COL27A1: variants seen among roughly 807,000 people sequenced by gnomAD.
The protein encoded by COL27A1 is collagen alpha-1(XXVII) chain.
In COL27A1, 106 loss-of-function variants were observed where a neutral mutation model predicts 251.3. The observed-to-expected ratio is 0.42, with a 90% CI of 0.36 to 0.50. The LOEUF (loss-of-function observed/expected upper bound fraction) is 0.50, where lower values mean the gene tolerates loss of function less well. Ranked by LOEUF, COL27A1 falls within the 20% of genes least tolerant of loss-of-function variation. The probability of loss-of-function intolerance (pLI) is 0.00; values close to 1 mark genes in which losing one functional copy is unlikely to be tolerated. For synonymous variants in COL27A1, 1,000 were observed against 986.3 expected (o/e 1.01, Z -0.26); for missense variants, 2,325 against 2,522.8 (o/e 0.92, Z 1.68).
At position 114,264,221 on chromosome 9, in the gene COL27A1, G is replaced by A. The variant is rs1004322480; in HGVS notation, c.3196-134G>A. 37 of 615,770 alleles carry A rather than the reference G, an allele frequency of 6.0e-5. No individual in the cohort carries two copies. In the African/African-American group the frequency reaches 6.8e-4, roughly 11 times the overall value. The allele number at this position is 615,770 out of a possible 1,614,324, so 38.1% of individuals were successfully genotyped here. ...GTGACCACCTCAGTGGGGAGTGTGT[G>A]GGAAGTGGGAGGAGGAGGGGGCCGG... On this transcript the variant is annotated intron_variant, in intron 28 of 60. Coordinates refer to ENST00000356083, the MANE Select transcript of COL27A1 (RefSeq NM_032888.4).
In COL27A1 at chr9:114,283,704, T is replaced by C. The variant is rs770688614; in HGVS notation, c.3880-5T>C. On this transcript the variant is annotated splice_polypyrimidine_tract_variant and splice_region_variant and intron_variant, in intron 39 of 60. Transcript: ENST00000356083. ...CATACCAACGAGGGTCTCCTCCTCTTGTAGGGTGCTCCGGGACGCATGGGG... is the reference window on the plus strand; with the variant it reads ...CATACCAACGAGGGTCTCCTCCTCTCGTAGGGTGCTCCGGGACGCATGGGG... 6.2e-7 allele frequency: 1 copy of C among 1,613,974 alleles called. No homozygotes were observed. Among genetic ancestry groups the C allele is most frequent in the Non-Finnish European group, 8.5e-7 (1 of 1,179,916 alleles).
chr9:114,279,462 A>T lies in COL27A1; in HGVS notation c.3718-2815A>T, dbSNP rs573031237. Among the ~76,000 whole-genome samples, 24 of 152,324 alleles carry T rather than the reference A, an allele frequency of 1.6e-4. 1 individual carries two copies. In the South Asian group the frequency reaches 4.8e-3, roughly 30 times the overall value. On this transcript the variant is annotated intron_variant, in intron 37 of 60. Transcript: ENST00000356083. ...GAGATTGCCTAGTGCAGTCCGATAG[A>T]AATGAAATACAAGCCATATACAAGC... is the stretch of plus-strand genomic sequence containing the variant.
At chr9:114,198,730 C>G (rs569277538) in intron 7 of COL27A1, among the ~76,000 whole-genome samples, 1 of 152,140 alleles carries the variant, frequency 6.6e-6, no homozygotes, top group Admixed American at 6.5e-5. Flanking sequence ...TCTCTGCCAC[C>G]GCCTGAGATA....
intron 56 of COL27A1, among the ~76,000 whole-genome samples, chr9:114,304,043 A>G (rs554374113): frequency 6.6e-6 from 1 of 152,348 alleles, no homozygotes; most frequent in Admixed American, 6.5e-5. Flanking sequence ...GTTTAGCAGA[A>G]TTCCTGGCCT....
chr9:114,211,134 C>A, intron 12 of COL27A1, 108 bp downstream of exon 12: 1 of 1,173,568 alleles, frequency 8.5e-7, no homozygotes, highest in Non-Finnish European at 1.3e-6. Flanking sequence ...TCTCCCCCTG[C>A]TTTGAGTGTG....
chr9:114,166,584 C>G (rs1236999468), intron 2 of COL27A1, among the ~76,000 whole-genome samples: 1 of 152,232 alleles, frequency 6.6e-6, no homozygotes. Flanking sequence ...TACTCAGGGC[C>G]TATCTTGCTG....
chr9:114,256,677 CCTT>C, intron 27 of COL27A1, among the ~76,000 whole-genome samples: 1 of 152,226 alleles, frequency 6.6e-6, no homozygotes, highest in Middle Eastern at 3.4e-3. Flanking sequence ...TGTCACTTCA[CCTT>C]CTAGAAACTC....
chr9:114,298,150 A>G (rs534386509), intron 49 of COL27A1, among the ~76,000 whole-genome samples: 4 of 146,560 alleles, frequency 2.7e-5, no homozygotes, highest in African/African-American at 7.6e-5. Context: ...AAAAAAAAAA[A>G]GTACAAGATA....
At chr9:114,306,335 C>A in intron 57 of COL27A1, 185 bp from the exon 58 acceptor site, 1 of 596,662 alleles carries the variant, frequency 1.7e-6, no homozygotes, top group Non-Finnish European at 2.9e-6. Context: ...ATAGCCTCTC[C>A]TCCTGCACTT....
intron 21 of COL27A1, among the ~76,000 whole-genome samples, chr9:114,241,342 G>A (rs1784718400): frequency 6.6e-6 from 1 of 152,226 alleles, no homozygotes; most frequent in African/African-American, 2.4e-5. Context: ...ATCCCTTCTC[G>A]GGCTGGCTCT....
intron 28 of COL27A1, among the ~76,000 whole-genome samples, chr9:114,262,018 G>A (rs1834375461): frequency 6.6e-6 from 1 of 152,206 alleles, no homozygotes; most frequent in Admixed American, 6.5e-5. Flanking sequence ...ACACCTCTGA[G>A]CCTCCACTCC....
chr9:114,189,306 A>G (rs940343052), intron 5 of COL27A1, among the ~76,000 whole-genome samples: 16 of 152,210 alleles, frequency 1.1e-4, no homozygotes, highest in African/African-American at 3.6e-4. Context: ...TTGTTAAACC[A>G]TCTTTCCTCC....
chr9:114,310,576 C>G lies in COL27A1; in HGVS notation c.5464C>G (p.Leu1822Val), dbSNP rs772577270. 2 of 1,614,208 alleles carry G rather than the reference C, an allele frequency of 1.2e-6. No individual in the cohort carries two copies. The highest frequency in any genetic ancestry group is 1.6e-4 in the Middle Eastern group (1 of 6,062). The stretch of plus-strand genomic sequence containing the variant: ...CCAAGATGGCCGCTGGCATCAGACA[C>G]TCTTCACCTTCCGGACCCAAGACCC... ...KVQDGRWHQT[L>V]FTFRTQDPQQ... The change falls in exon 61 of 61, where the codon CTC becomes GTC. Residue 1822 changes from leucine to valine, a missense_variant. This residue lies in a region of COL27A1 where 327 missense variants were observed against 442.8 expected (regional missense o/e 0.74). Transcript: ENST00000356083.
intron 37 of COL27A1, among the ~76,000 whole-genome samples, chr9:114,281,816 G>C (rs1211450880): frequency 1.3e-5 from 2 of 152,162 alleles, no homozygotes; most frequent in African/African-American, 4.8e-5. Flanking sequence ...TGTATCTTTG[G>C]GAACTTGGCT....
At chr9:114,259,124 T>C (rs1687377) in intron 28 of COL27A1, among the ~76,000 whole-genome samples, 147,254 of 152,312 alleles carry the variant, frequency 0.97, 71,200 homozygotes, top group East Asian at 1. Flanking sequence ...AGTGCTTGAG[T>C]TGATGCCAGC....
chr9:114,304,532 G>A (rs1289382098), intron 56 of COL27A1, 76 bp from the exon 57 acceptor site: 1 of 1,357,544 alleles, frequency 7.4e-7, no homozygotes, highest in Non-Finnish European at 1.1e-6. Flanking sequence ...AGGGAATGTG[G>A]CCCTGGGGCT....
chr9:114,268,093 C>A (rs1834870205), intron 34 of COL27A1, among the ~76,000 whole-genome samples: 1 of 152,216 alleles, frequency 6.6e-6, no homozygotes, highest in South Asian at 2.1e-4. Flanking sequence ...GGGAGTTGGA[C>A]CAGGCCGGGG....
intron 37 of COL27A1, among the ~76,000 whole-genome samples, chr9:114,280,611 C>T (rs978482136): frequency 5.9e-5 from 9 of 152,218 alleles, no homozygotes; most frequent in Admixed American, 3.9e-4. Flanking sequence ...CTGGAGGCCA[C>T]GGGGCTAGTC....
chr9:114,227,957 G>A (rs575537086), intron 14 of COL27A1, among the ~76,000 whole-genome samples: 5 of 152,302 alleles, frequency 3.3e-5, no homozygotes, highest in East Asian at 3.9e-4. Context: ...GTAGCCCAAT[G>A]TGGGGGTCCC....
Sources: allele counts gnomAD v4.1 joint callset (sites outside exome capture counted in the v4.1 genomes callset), GRCh38; gene constraint gnomAD v4.1.1; regional missense constraint gnomAD v4.1.1; transcripts MANE v1.5; gene names NCBI Gene and HGNC (gene_info 2026-07-23, HGNC 2026-07-21).